Variants in MACF1 observed in about 807,000 individuals in gnomAD.
MACF1 encodes microtubule actin crosslinking factor 1, also known as microtubule-actin cross-linking factor 1.
Under a neutral mutation model 854.8 loss-of-function variants are expected in MACF1, and 193 were observed. That is an observed-to-expected ratio of 0.23 (90% CI 0.20 to 0.25). The LOEUF (loss-of-function observed/expected upper bound fraction) is 0.25, where lower values mean the gene tolerates loss of function less well. Ranked by LOEUF, MACF1 falls within the 10% of genes least tolerant of loss-of-function variation. The pLI is 1.00. For missense variants in MACF1, 7,722 were observed against 8,929.1 expected, an observed-to-expected ratio of 0.86 and a Z score of 5.45; for synonymous variants, 3,185 against 3,226.7, an observed-to-expected ratio of 0.99 and a Z score of 0.44.
Position 39,324,180 on chromosome 1 carries a change from T to C in MACF1, c.4237-13T>C. On this transcript the variant is annotated splice_polypyrimidine_tract_variant and intron_variant, in intron 33 of 100. Coordinates refer to ENST00000564288, the MANE Select transcript of MACF1 (RefSeq NM_001394062.1). ...ACATTGCTAGCATATTGATTTTCTATTTCCTATTCTAGAAAGTGGTAGAAG... is the reference window on the plus strand; with the variant it reads ...ACATTGCTAGCATATTGATTTTCTACTTCCTATTCTAGAAAGTGGTAGAAG... 6.3e-7 allele frequency: 1 copy of C among 1,579,670 alleles called. No homozygotes were observed.
At chr1:39,260,328 A>G (rs188319578) in intron 6 of MACF1, 14 of 149,786 alleles carry the variant, frequency 9.3e-5, no homozygotes, top group Admixed American at 6.6e-4. Context: ...CACAGTCTGA[A>G]TGCTCCTAGG....
chr1:39,215,816 G>C (rs987247544), intron 1 of MACF1, among the ~76,000 whole-genome samples: 1 of 151,630 alleles, frequency 6.6e-6, no homozygotes, highest in Non-Finnish European at 1.5e-5. Flanking sequence ...AGGATGGGGG[G>C]TGGGAGGGAG....
At chr1:39,367,701 T>C (rs1433956875) in intron 49 of MACF1, among the ~76,000 whole-genome samples, 1 of 152,194 alleles carries the variant, frequency 6.6e-6, no homozygotes, top group African/African-American at 2.4e-5. Flanking sequence ...TCCCAAGTCT[T>C]TGAACGTTTG....
At chr1:39,426,846 T>G (rs1643746349) in intron 61 of MACF1, among the ~76,000 whole-genome samples, 1 of 152,158 alleles carries the variant, frequency 6.6e-6, no homozygotes, top group South Asian at 2.1e-4. Context: ...CTTTTTTGTT[T>G]TTTTGCCTTA....
chr1:39,417,713 A>ATTTTTTTTTTT (rs56799242), intron 58 of MACF1, among the ~76,000 whole-genome samples: 6 of 55,796 alleles, frequency 1.1e-4, no homozygotes, highest in South Asian at 7.7e-4. Context: ...CACCCAGTTA[A>ATTTTTTTTTTT]TTTTTTTTTT....
At chr1:39,154,808 A>G (rs1198061552) in intron 2 of MACF1, among the ~76,000 whole-genome samples, 1 of 151,916 alleles carries the variant, frequency 6.6e-6, no homozygotes, top group Non-Finnish European at 1.5e-5. Flanking sequence ...GGACTTCCTG[A>G]TCTGGCTGCA....
rs1645834374 is a variant in MACF1 at position 39,293,344 on chromosome 1, AG to A, written c.1993-113del. The A allele has an allele frequency of 1.0e-5, 10 of 1,003,906 alleles. No homozygotes were observed. The South Asian group carries it at 1.6e-4, about 16-fold the overall frequency. 62.2% of individuals were successfully genotyped at this position (1,003,906 alleles called of 1,614,324 possible). A position where few individuals can be genotyped will look rare whatever the true frequency, so the allele number is the denominator to read the frequency against. ...AACTTGAATCCATGGGGAAAAATCC[AG>A]AGATTAAGAGCAAATTAATTTCCTG... is the stretch of plus-strand genomic sequence containing the variant. On this transcript the variant is annotated intron_variant, in intron 17 of 100. Coordinates refer to ENST00000564288, the MANE Select transcript of MACF1 (RefSeq NM_001394062.1).
At chr1:39,242,370 C>G (rs1034518407) in intron 2 of MACF1, among the ~76,000 whole-genome samples, 14 of 148,342 alleles carry the variant, frequency 9.4e-5, no homozygotes, top group Non-Finnish European at 1.2e-4. Flanking sequence ...AAAAAGCAGA[C>G]AGCAGACCCC....
chr1:39,177,022 A>G (rs910528572), intron 2 of MACF1, among the ~76,000 whole-genome samples: 1 of 152,224 alleles, frequency 6.6e-6, no homozygotes, highest in African/African-American at 2.4e-5. Flanking sequence ...TTTCAAAGAT[A>G]TATTTGAGAA....
chr1:39,220,249 C>T (rs970289156), intron 1 of MACF1, among the ~76,000 whole-genome samples: 2 of 151,446 alleles, frequency 1.3e-5, no homozygotes, highest in Non-Finnish European at 2.9e-5. Flanking sequence ...AATCTCAGCT[C>T]GCAACCTCTG....
chr1:39,469,114 A>G (rs1185364072), intron 96 of MACF1, among the ~76,000 whole-genome samples: 2 of 152,224 alleles, frequency 1.3e-5, no homozygotes, highest in East Asian at 3.9e-4. Flanking sequence ...ATACTCAGGG[A>G]GAGTGTTAGG....
Position 39,485,529 on chromosome 1 carries a change from G to T in MACF1, c.22412-9G>T. The T allele has an allele frequency of 6.2e-7, 1 of 1,605,090 alleles. No individual in the cohort carries two copies. Reference sequence around the variant, plus strand: ...CTATTAAGTCTGCTGTTTTATTCTTGAATTCCAGACCCTAAAAAGTCTGCC... The same window carrying T: ...CTATTAAGTCTGCTGTTTTATTCTTTAATTCCAGACCCTAAAAAGTCTGCC... On this transcript the variant is annotated splice_polypyrimidine_tract_variant and intron_variant, in intron 100 of 100. Transcript: ENST00000564288.
intron 2 of MACF1, among the ~76,000 whole-genome samples, chr1:39,134,889 A>G (rs1313228962): frequency 6.6e-6 from 1 of 152,206 alleles, no homozygotes; most frequent in Non-Finnish European, 1.5e-5. Flanking sequence ...ATCTATCTCT[A>G]GAACTTTTTC....
rs548982126 is a variant in MACF1, at chr1:39,097,618, G to T, written c.220+13180G>T. Among the ~76,000 whole-genome samples the T allele has an allele frequency of 3.9e-5, 6 of 152,108 alleles. No individual in the cohort carries two copies. In the South Asian group the frequency reaches 1.2e-3, roughly 32 times the overall value. ...ACACCTGTAGTACAAGCTATCTGGGGGACTGAGGCTAGAGGATCACTTGAG... is the reference window on the plus strand; with the variant it reads ...ACACCTGTAGTACAAGCTATCTGGGTGACTGAGGCTAGAGGATCACTTGAG... On this transcript the variant is annotated intron_variant, in intron 2 of 93. Coordinates refer to the MACF1 transcript ENST00000361689.
At chr1:39,288,823 A>G (rs1157387091) in intron 15 of MACF1, among the ~76,000 whole-genome samples, 3 of 152,140 alleles carry the variant, frequency 2.0e-5, no homozygotes, top group Non-Finnish European at 2.9e-5. Flanking sequence ...AAAATGTACA[A>G]CTAAATTATT....
intron 2 of MACF1, among the ~76,000 whole-genome samples, chr1:39,168,613 G>C (rs1022711127): frequency 6.6e-6 from 1 of 152,130 alleles, no homozygotes; most frequent in African/African-American, 2.4e-5. Flanking sequence ...GATTACAGGC[G>C]TGAGCCACTG....
At chr1:39,301,267 C>T (rs1012878526) in intron 22 of MACF1, among the ~76,000 whole-genome samples, 63 of 151,992 alleles carry the variant, frequency 4.1e-4, no homozygotes, top group African/African-American at 1.3e-3. Context: ...GCGGGGACTA[C>T]ATGTGCCCGC....
rs192881406 is a variant in MACF1, at chr1:39,355,072, A to G, written c.11424+1841A>G. 1.2e-3 allele frequency among the ~76,000 whole-genome samples: 184 copies of G among 152,346 alleles called. 1 individual carries two copies. Among genetic ancestry groups the G allele is most frequent in the African/African-American group, 4.4e-3 (182 of 41,576 alleles). On this transcript the variant is annotated intron_variant, in intron 44 of 100. Transcript: ENST00000564288. ...TTTTAGTGGTGACACCTTTATAGAA[A>G]AAATATTGGCTTAGCTGGAATACTT...
intron 1 of MACF1, among the ~76,000 whole-genome samples, chr1:39,213,488 C>T (rs192571399): frequency 1.6e-4 from 24 of 152,240 alleles, no homozygotes; most frequent in African/African-American, 5.3e-4. Context: ...TGTGCCACCA[C>T]GCCCAGCTAA....
Sources: allele counts gnomAD v4.1 joint callset (sites outside exome capture counted in the v4.1 genomes callset), GRCh38; gene constraint gnomAD v4.1.1; transcripts MANE v1.5; gene names NCBI Gene and HGNC (gene_info 2026-07-23, HGNC 2026-07-21).